The following STK24 variants were observed in gnomAD, a reference collection of about 807,000 sequenced individuals.
The protein encoded by STK24 is serine/threonine-protein kinase 24.
A neutral mutation model predicts 55.6 loss-of-function variants in STK24; 21 were observed. That is an observed-to-expected ratio of 0.38 (90% CI 0.27 to 0.54). The LOEUF is 0.54. Ranked by LOEUF, STK24 falls within the 20% of genes least tolerant of loss-of-function variation. STK24 has a pLI of 0.79. For missense variants in STK24, 383 were observed against 538.4 expected (o/e 0.71, Z 2.86); for synonymous variants, 200 against 215.2 (o/e 0.93, Z 0.62).
intron 1 of STK24, among the ~76,000 whole-genome samples, chr13:98,523,433 A>T (rs1896328217): frequency 6.6e-6 from 1 of 151,962 alleles, no homozygotes; most frequent in Non-Finnish European, 1.5e-5. Context: ...TGACTTGGGC[A>T]CTCCTCCCAG....
chr13:98,500,976 C>T (rs1271010340), intron 2 of STK24, among the ~76,000 whole-genome samples: 1 of 151,490 alleles, frequency 6.6e-6, no homozygotes, highest in Non-Finnish European at 1.5e-5. Context: ...CATGCGCGTC[C>T]ATGTCACACT....
At position 98,448,646 on chromosome 13, in the gene STK24, A is replaced by C. The variant is rs139381879; in HGVS notation, c.*4527T>G. 104 of 235,660 alleles carry C rather than the reference A, an allele frequency of 4.4e-4. 1 individual carries two copies. In the East Asian group the frequency reaches 0.01, roughly 23 times the overall value. 14.6% of individuals were successfully genotyped at this position (235,660 alleles called of 1,614,324 possible). On this transcript the variant is annotated 3_prime_UTR_variant, in exon 11 of 11. Coordinates refer to ENST00000539966, the MANE Select transcript of STK24 (RefSeq NM_001032296.4). ...AGTACACACACATCCGTTCAACACA[A>C]GACAGGGCAAGTGTTTTTCTTCCTA...
At chr13:98,499,248 A>AC (rs398117800) in intron 2 of STK24, among the ~76,000 whole-genome samples, 1 of 151,776 alleles carries the variant, frequency 6.6e-6, no homozygotes, top group Non-Finnish European at 1.5e-5. Context: ...AAAAAAAAAA[A>AC]CCAGCTTCAA....
intron 10 of STK24, chr13:98,456,543 TG>T: frequency 2.0e-6 from 1 of 510,236 alleles, no homozygotes; most frequent in Non-Finnish European, 4.0e-6. Context: ...AGGAGGGGCT[TG>T]GTTCCCATGG....
intron 1 of STK24, among the ~76,000 whole-genome samples, chr13:98,554,465 T>G (rs1369567928): frequency 6.6e-6 from 1 of 152,166 alleles, no homozygotes; most frequent in Non-Finnish European, 1.5e-5. Flanking sequence ...ACTGCACCTC[T>G]CACAGATTAA....
intron 5 of STK24, among the ~76,000 whole-genome samples, chr13:98,471,764 G>C (rs1357207103): frequency 6.6e-6 from 1 of 152,208 alleles, no homozygotes; most frequent in African/African-American, 2.4e-5. Flanking sequence ...AGTTCAGTGA[G>C]ATGAAGAAGC....
At position 98,447,108 on chromosome 13, in the gene STK24, T is replaced by C. The variant is rs1165690777; in HGVS notation, c.*6065A>G. 1.1e-5 allele frequency: 4 copies of C among 348,650 alleles called. No individual in the cohort carries two copies. Among genetic ancestry groups the C allele is most frequent in the Non-Finnish European group, 2.1e-5 (4 of 186,418 alleles). 21.6% of individuals were successfully genotyped at this position (348,650 alleles called of 1,614,324 possible). On this transcript the variant is annotated 3_prime_UTR_variant, in exon 11 of 11. Transcript: ENST00000539966. ...CCGGGATGATGAAGCTAAGCCCCAG[T>C]GAGACTGCCTACATGGTGTAATGGC...
At chr13:98,499,430 G>A (rs56812236) in intron 2 of STK24, among the ~76,000 whole-genome samples, 5,104 of 152,234 alleles carry the variant, frequency 0.034, 268 homozygotes, top group African/African-American at 0.12. Flanking sequence ...GAGTGATTGC[G>A]TATGGAAAGA....
At chr13:98,529,184 C>A (rs1483104489) in intron 1 of STK24, among the ~76,000 whole-genome samples, 1 of 152,172 alleles carries the variant, frequency 6.6e-6, no homozygotes, top group Admixed American at 6.6e-5. Flanking sequence ...CCAGGCCCCC[C>A]ACCACGTGTT....
At chr13:98,458,367 T>C (rs1490934862) in intron 9 of STK24, among the ~76,000 whole-genome samples, 1 of 152,200 alleles carries the variant, frequency 6.6e-6, no homozygotes, top group Non-Finnish European at 1.5e-5. Flanking sequence ...TCAGGCGACA[T>C]TCAGCTTGGT....
intron 1 of STK24, among the ~76,000 whole-genome samples, chr13:98,561,543 C>T (rs1468250934): frequency 7.3e-6 from 1 of 136,644 alleles, no homozygotes; most frequent in Admixed American, 7.2e-5. Context: ...GATCACGTCA[C>T]TGTACTCCAG....
chr13:98,459,907 T>TGG (rs1159218071), intron 9 of STK24, among the ~76,000 whole-genome samples: 1 of 151,712 alleles, frequency 6.6e-6, no homozygotes, highest in African/African-American at 2.4e-5. Context: ...GAGCAGGGAG[T>TGG]GGGCGTGGGG....
chr13:98,496,274 G>A (rs1174191149), intron 2 of STK24, among the ~76,000 whole-genome samples: 1 of 152,200 alleles, frequency 6.6e-6, no homozygotes, highest in Non-Finnish European at 1.5e-5. Context: ...CCCTTGGCGA[G>A]GCAGCAAAAG....
chr13:98,536,045 T>C (rs1178429739), intron 1 of STK24, among the ~76,000 whole-genome samples: 2 of 152,202 alleles, frequency 1.3e-5, no homozygotes, highest in African/African-American at 4.8e-5. Context: ...GAAAATCTTT[T>C]AGCTTTTAGA....
At chr13:98,550,551 G>A (rs1266019265) in intron 1 of STK24, among the ~76,000 whole-genome samples, 1 of 152,200 alleles carries the variant, frequency 6.6e-6, no homozygotes, top group South Asian at 2.1e-4. Flanking sequence ...CAACAAAAAG[G>A]AATGGCCTCT....
rs565637894 is a variant in STK24 at position 98,498,785 on chromosome 13, C to A, written c.274-16464G>T. On this transcript the variant is annotated intron_variant, in intron 2 of 10. Coordinates refer to ENST00000539966, the MANE Select transcript of STK24 (RefSeq NM_001032296.4). ...CTGCCCATGTCCTCCTGTCTGCAGA[C>A]CCATGGCAGACACAGCAGGAGCCAG... Among the ~76,000 whole-genome samples the A allele has an allele frequency of 2.4e-4, 37 of 152,276 alleles. No homozygotes were observed. The East Asian group carries it at 6.7e-3, about 28-fold the overall frequency.
At position 98,475,178 on chromosome 13, in the gene STK24, T is replaced by C. The variant is rs557382781; in HGVS notation, c.439+72A>G. On this transcript the variant is annotated intron_variant, in intron 4 of 10. Transcript: ENST00000539966. ...GACAAATGGGCGCCAGCACCTTCCC[T>C]TGAGAAGTCTTCAGGGCAACCCCAC... 45 of 1,458,358 alleles carry C rather than the reference T, an allele frequency of 3.1e-5. No homozygotes were observed. In the Middle Eastern group the frequency reaches 1.1e-3, roughly 35 times the overall value. The allele number at this position is 1,458,358 out of a possible 1,614,324, so 90.3% of individuals were successfully genotyped here.
intron 1 of STK24, among the ~76,000 whole-genome samples, chr13:98,559,183 G>GA (rs1196593104): frequency 1.3e-5 from 2 of 151,726 alleles, no homozygotes; most frequent in Admixed American, 1.3e-4. Context: ...CAAAAAAAAA[G>GA]AAAAAAGTGT....
At chr13:98,474,419 G>C (rs1894283902) in intron 5 of STK24, among the ~76,000 whole-genome samples, 1 of 152,152 alleles carries the variant, frequency 6.6e-6, no homozygotes, top group African/African-American at 2.4e-5. Context: ...CCCCTTCAAG[G>C]TTGCCGATTC....
Sources: allele counts gnomAD v4.1 joint callset (sites outside exome capture counted in the v4.1 genomes callset), GRCh38; gene constraint gnomAD v4.1.1; transcripts MANE v1.5; gene names NCBI Gene and HGNC (gene_info 2026-07-23, HGNC 2026-07-21).